The following FKBP9 variants were observed in gnomAD, a reference collection of about 807,000 sequenced individuals.
FKBP9 encodes the protein FKBP prolyl isomerase 9.
Under a neutral mutation model 55.6 loss-of-function variants are expected in FKBP9, and 27 were observed. That is an observed-to-expected ratio of 0.49 (90% CI 0.36 to 0.67). The LOEUF is 0.67. Among genes scored for constraint, FKBP9 ranks in the 30% least tolerant of loss-of-function variants. The pLI, the probability that FKBP9 is intolerant of heterozygous loss-of-function variation, is 0.00. For synonymous variants in FKBP9, 267 were observed against 296.5 expected, an observed-to-expected ratio of 0.90 and a Z score of 1.02; for missense variants, 539 against 742.8, an observed-to-expected ratio of 0.73 and a Z score of 3.19.
chr7:32,978,622 C>T (rs367640583), intron 4 of FKBP9, among the ~76,000 whole-genome samples: 6 of 151,616 alleles, frequency 4.0e-5, no homozygotes, highest in East Asian at 2.0e-4. Context: ...CCTCCCAAAG[C>T]GCTGGGATTA....
At chr7:32,998,403 T>TG (rs1339720089) in intron 7 of FKBP9, 1 of 152,136 alleles carries the variant, frequency 6.6e-6, no homozygotes, top group Non-Finnish European at 1.5e-5. Flanking sequence ...GCTTCTCACG[T>TG]GGGGCGGGGA....
chr7:32,974,653 A>G lies in FKBP9; in HGVS notation c.258A>G (p.Gly86=), dbSNP rs757412790. The G allele has an allele frequency of 1.1e-5, 18 of 1,613,554 alleles. No individual in the cohort carries two copies. Among genetic ancestry groups the G allele is most frequent in the Non-Finnish European group, 1.5e-5 (18 of 1,179,648 alleles). Residue 86 remains glycine, a synonymous_variant, in exon 2 of 10, where the codon GGA becomes GGG. Coordinates refer to ENST00000242209, the MANE Select transcript of FKBP9 (RefSeq NM_007270.5). ...DRDSTFNVFV[G]KGQLITGMDQ... ...ACTCCACTTTCAATGTGTTTGTGGG[A>G]AAAGGACAGCTGATCACAGGGATGG...
intron 6 of FKBP9, among the ~76,000 whole-genome samples, chr7:32,995,329 A>G (rs1324330326): frequency 6.6e-6 from 1 of 152,244 alleles, no homozygotes; most frequent in East Asian, 1.9e-4. Context: ...AGGTAACATG[A>G]TTTTAAAATA....
chr7:32,968,612 G>A (rs71532545), intron 1 of FKBP9, among the ~76,000 whole-genome samples: 49,605 of 147,870 alleles, frequency 0.34, 10,042 homozygotes, highest in Non-Finnish European at 0.47. Context: ...CACTTTTGTC[G>A]CCCAGGCAGG....
At position 32,988,567 on chromosome 7, in the gene FKBP9, G is replaced by A; in HGVS notation, c.954G>A (p.Met318Ile). 2 of 1,613,916 alleles carry A rather than the reference G, an allele frequency of 1.2e-6. No homozygotes were observed. The highest frequency in any genetic ancestry group is 4.5e-5 in the East Asian group (2 of 44,880). ...YIGQGYVIPG[M>I]DEGLLGVCIG... The stretch of plus-strand genomic sequence containing the variant: ...GGCAGGGCTACGTGATTCCTGGGAT[G>A]GATGAAGGTCTACTTGGTGTTTGCA... Residue 318 changes from methionine to isoleucine, a missense_variant, in exon 6 of 10, where the codon ATG becomes ATA. Around this residue, in one of 4 missense-constraint regions of FKBP9, gnomAD observed 172 missense variants for 205.3 expected, o/e 0.84. Coordinates refer to ENST00000242209, the MANE Select transcript of FKBP9 (RefSeq NM_007270.5).
At position 33,005,556 on chromosome 7, in the gene FKBP9, A is replaced by C; in HGVS notation, c.*205A>C. 2 of 573,512 alleles carry C rather than the reference A, an allele frequency of 3.5e-6. No homozygotes were observed. The highest frequency in any genetic ancestry group is 6.3e-6 in the Non-Finnish European group (2 of 317,278). 35.5% of individuals were successfully genotyped at this position (573,512 alleles called of 1,614,324 possible). On this transcript the variant is annotated 3_prime_UTR_variant, in exon 10 of 10. Coordinates refer to ENST00000242209, the MANE Select transcript of FKBP9 (RefSeq NM_007270.5). ...CTGATCGCCAGTGATAGTAAACAAA[A>C]TCTGTGCAGAGGGCCTTAGCATGGG...
At chr7:32,979,473 G>A in intron 4 of FKBP9, 3 of 1,522,496 alleles carry the variant, frequency 2.0e-6, no homozygotes, top group South Asian at 2.4e-5. Flanking sequence ...CCTTGGATGG[G>A]AAGGAGATGC....
chr7:32,980,213 C>G, intron 4 of FKBP9, 151 bp from the exon 5 acceptor site: 5 of 633,400 alleles, frequency 7.9e-6, no homozygotes, highest in Non-Finnish European at 1.1e-5. Flanking sequence ...GGTTGGACAC[C>G]ATGGGGGCCC....
intron 1 of FKBP9, among the ~76,000 whole-genome samples, chr7:32,964,924 TG>T (rs1784103140): frequency 1.3e-5 from 2 of 151,990 alleles, no homozygotes; most frequent in Admixed American, 1.3e-4. Context: ...AGGCGGCCAG[TG>T]GGGAGGTGAG....
Position 32,957,528 on chromosome 7 carries a change from CG to C in FKBP9, c.-45del. On this transcript the variant is annotated 5_prime_UTR_variant, in exon 1 of 10. Coordinates refer to ENST00000242209, the MANE Select transcript of FKBP9 (RefSeq NM_007270.5). Reference sequence around the variant, plus strand: ...GCCGAACGCCCAGGCCGACCCGTGCCGCCCGAGCGCCGCGCTGCGTCCGCGC... The same window carrying C: ...GCCGAACGCCCAGGCCGACCCGTGCCCCCGAGCGCCGCGCTGCGTCCGCGC... The C allele has an allele frequency of 7.5e-7, 1 of 1,335,308 alleles. No individual in the cohort carries two copies. The highest frequency in any genetic ancestry group is 9.6e-7 in the Non-Finnish European group (1 of 1,039,236). The allele number at this position is 1,335,308 out of a possible 1,614,324, so 82.7% of individuals were successfully genotyped here.
Position 32,996,111 on chromosome 7 carries a change from T to G in FKBP9, c.1040-52T>G, listed in dbSNP as rs368853829. 6.4e-6 allele frequency: 10 copies of G among 1,563,300 alleles called. No homozygotes were observed. In the African/African-American group the frequency reaches 1.3e-4, roughly 21 times the overall value. On this transcript the variant is annotated intron_variant, in intron 6 of 9. Transcript: ENST00000242209. ...TACCTGGTGACACTGGGGAGGCCCA[T>G]GTGCTGCAGCCTGCAGGGGTCATTC...
intron 1 of FKBP9, among the ~76,000 whole-genome samples, chr7:32,967,357 T>C (rs192607474): frequency 4.9e-4 from 74 of 152,398 alleles, no homozygotes; most frequent in African/African-American, 1.7e-3. Flanking sequence ...TGAAACTTTG[T>C]GCCCACTGAA....
chr7:32,965,454 G>C (rs1326500181), intron 1 of FKBP9, among the ~76,000 whole-genome samples: 2 of 151,958 alleles, frequency 1.3e-5, no homozygotes, highest in East Asian at 3.9e-4. Context: ...TTAAAAGCTC[G>C]TTCTTATTGC....
chr7:32,995,703 T>C (rs1784770916), intron 6 of FKBP9, among the ~76,000 whole-genome samples: 1 of 152,178 alleles, frequency 6.6e-6, no homozygotes, highest in Non-Finnish European at 1.5e-5. Context: ...TTATGAAGTT[T>C]ATGTTATGTT....
At chr7:32,985,322 A>G (rs775281923) in intron 5 of FKBP9, among the ~76,000 whole-genome samples, 1 of 151,644 alleles carries the variant, frequency 6.6e-6, no homozygotes, top group Non-Finnish European at 1.5e-5. Context: ...GATTACAGGC[A>G]CATGCCACCA....
intron 7 of FKBP9, among the ~76,000 whole-genome samples, chr7:32,999,045 G>T (rs1183747311): frequency 6.6e-6 from 1 of 152,216 alleles, no homozygotes; most frequent in African/African-American, 2.4e-5. Flanking sequence ...TGCAACTGGA[G>T]TAGCCCCAGA....
intron 7 of FKBP9, among the ~76,000 whole-genome samples, chr7:32,999,289 G>A (rs1475795670): frequency 6.6e-6 from 1 of 152,098 alleles, no homozygotes; most frequent in Non-Finnish European, 1.5e-5. Context: ...GGCATCAAGG[G>A]GGGTCAGGGG....
intron 9 of FKBP9, among the ~76,000 whole-genome samples, chr7:33,004,081 C>T (rs1784984027): frequency 2.0e-5 from 3 of 152,134 alleles, no homozygotes; most frequent in Admixed American, 6.5e-5. Context: ...TGATCTCTGA[C>T]TCCTCTCTTT....
chr7:32,999,294 CA>C (rs937089773), intron 7 of FKBP9, among the ~76,000 whole-genome samples: 12 of 152,156 alleles, frequency 7.9e-5, no homozygotes, highest in African/African-American at 2.4e-4. Flanking sequence ...CAAGGGGGGT[CA>C]GGGGGCTTTT....
Sources: gnomAD v4.1 joint callset for allele counts (sites outside exome capture counted in the v4.1 genomes callset) on GRCh38, gnomAD v4.1.1 for gene constraint, gnomAD v4.1.1 regional missense constraint, MANE v1.5 for transcripts, NCBI Gene and HGNC (gene_info 2026-07-23, HGNC 2026-07-21) for gene names.